DLGAP5: variants seen among roughly 807,000 people sequenced by gnomAD.
DLGAP5 encodes DLG associated protein 5.
In DLGAP5, 90 loss-of-function variants were observed where a neutral mutation model predicts 99.6. The ratio of observed to expected loss-of-function variants is 0.90; its 90% CI spans 0.76 to 1.08. The LOEUF (loss-of-function observed/expected upper bound fraction) is 1.08. DLGAP5 is among the 50% of genes least tolerant of loss of function. The probability of loss-of-function intolerance (pLI) is 0.00; values close to 1 mark genes in which losing one functional copy is unlikely to be tolerated. For synonymous variants in DLGAP5, 311 were observed against 321.3 expected, an observed-to-expected ratio of 0.97 and a Z score of 0.34; for missense variants, 1,036 against 983.5, an observed-to-expected ratio of 1.05 and a Z score of -0.71.
At chr14:55,167,022 A>G (rs1051645485) in intron 12 of DLGAP5, among the ~76,000 whole-genome samples, 1 of 151,986 alleles carries the variant, frequency 6.6e-6, no homozygotes, top group African/African-American at 2.4e-5. Flanking sequence ...TTGGGGGCCG[A>G]GGCAGGCAGG....
At chr14:55,149,763 C>T (rs1039723323) in intron 18 of DLGAP5, among the ~76,000 whole-genome samples, 1 of 147,022 alleles carries the variant, frequency 6.8e-6, no homozygotes, top group Non-Finnish European at 1.5e-5. Context: ...ATAAAAATAT[C>T]GGCCAGGCAC....
At chr14:55,169,114 A>G (rs1882753303) in intron 12 of DLGAP5, among the ~76,000 whole-genome samples, 2 of 146,806 alleles carry the variant, frequency 1.4e-5, no homozygotes, top group South Asian at 2.2e-4. Context: ...GGGCAGAGAC[A>G]GCAGTGAGCC....
intron 17 of DLGAP5, 104 bp from the exon 18 acceptor site, chr14:55,150,952 T>C (rs766714062): frequency 1.5e-4 from 105 of 719,244 alleles, no homozygotes; most frequent in Non-Finnish European, 2.1e-4. Context: ...ACATATCAAA[T>C]GCTAAGACAA....
At chr14:55,164,815 G>A (rs1594669980) in intron 12 of DLGAP5, among the ~76,000 whole-genome samples, 1 of 151,546 alleles carries the variant, frequency 6.6e-6, no homozygotes, top group Non-Finnish European at 1.5e-5. Flanking sequence ...CCAGCTATTC[G>A]GGAGGCTGAG....
chr14:55,179,596 G>C, intron 7 of DLGAP5, 33 bp downstream of exon 7: 2 of 1,543,250 alleles, frequency 1.3e-6, no homozygotes, highest in East Asian at 4.5e-5. Flanking sequence ...GATTTTCAAA[G>C]CATCTAGAAT....
chr14:55,161,445 C>G (rs10438127), intron 13 of DLGAP5, among the ~76,000 whole-genome samples: 49,237 of 137,004 alleles, frequency 0.36, 9,193 homozygotes, highest in Non-Finnish European at 0.41. Context: ...GAGTTTTGCT[C>G]GTTGCCCAGG....
intron 7 of DLGAP5, among the ~76,000 whole-genome samples, chr14:55,178,876 G>A (rs958809979): frequency 3.3e-5 from 5 of 152,068 alleles, no homozygotes; most frequent in Middle Eastern, 3.4e-3. Context: ...GTGAAACCTC[G>A]TCTCTACTAA....
At chr14:55,171,387 C>T (rs1469467427) in intron 10 of DLGAP5, among the ~76,000 whole-genome samples, 1 of 152,030 alleles carries the variant, frequency 6.6e-6, no homozygotes, top group Non-Finnish European at 1.5e-5. Flanking sequence ...GATATATACC[C>T]ACAACAAGTA....
chr14:55,155,195 T>C (rs1054367457), intron 14 of DLGAP5, among the ~76,000 whole-genome samples: 1 of 150,900 alleles, frequency 6.6e-6, no homozygotes, highest in African/African-American at 2.4e-5. Context: ...TGGCTAATTT[T>C]TGTATTTTTA....
chr14:55,175,803 A>G (rs774675337), intron 9 of DLGAP5, 91 bp downstream of exon 9: 4 of 1,150,284 alleles, frequency 3.5e-6, no homozygotes, highest in Non-Finnish European at 4.8e-6. Flanking sequence ...ATAATCCAGA[A>G]AAGTAAAAAT....
At chr14:55,181,631 T>C (rs1185868352) in intron 4 of DLGAP5, among the ~76,000 whole-genome samples, 1 of 152,190 alleles carries the variant, frequency 6.6e-6, no homozygotes, top group East Asian at 1.9e-4. Context: ...TAGAAAATAC[T>C]TCTCCTGGAT....
rs757813773 is a variant in DLGAP5, at chr14:55,188,927, C to A, written c.238+15G>T. ...CTCTTCAAAGTACTTAAAATTACAA[C>A]AGACCTTTACTTACTTGGCTTAACA... On this transcript the variant is annotated intron_variant, in intron 2 of 18. Transcript: ENST00000247191. 1 of 1,597,400 alleles carries A rather than the reference C, an allele frequency of 6.3e-7. No homozygotes were observed. Among genetic ancestry groups the A allele is most frequent in the South Asian group, 1.1e-5 (1 of 89,716 alleles).
intron 18 of DLGAP5, among the ~76,000 whole-genome samples, chr14:55,150,020 C>A: frequency 6.6e-6 from 1 of 151,100 alleles, no homozygotes; most frequent in Non-Finnish European, 1.5e-5. Flanking sequence ...ACCATTGTAC[C>A]CCAGCCTGGG....
chr14:55,160,209 T>G (rs1345784951), intron 13 of DLGAP5, among the ~76,000 whole-genome samples: 1 of 141,584 alleles, frequency 7.1e-6, no homozygotes, highest in African/African-American at 2.7e-5. Context: ...TCTCAAAAAA[T>G]AAATAAAATA....
chr14:55,153,411 T>C (rs1453298499), intron 15 of DLGAP5, among the ~76,000 whole-genome samples: 1 of 151,512 alleles, frequency 6.6e-6, no homozygotes, highest in East Asian at 2.0e-4. Flanking sequence ...CGTGGTGACA[T>C]GCGCCTGTAG....
At chr14:55,173,204 G>A (rs1280527685) in intron 10 of DLGAP5, among the ~76,000 whole-genome samples, 1 of 149,360 alleles carries the variant, frequency 6.7e-6, no homozygotes, top group African/African-American at 2.5e-5. Flanking sequence ...GGAGGCTGAG[G>A]CAAAAGGATC....
chr14:55,173,837 T>G, intron 10 of DLGAP5, among the ~76,000 whole-genome samples: 1 of 149,112 alleles, frequency 6.7e-6, no homozygotes, highest in South Asian at 2.1e-4. Context: ...TTCCTATGCC[T>G]GTCTTTACTT....
intron 13 of DLGAP5, among the ~76,000 whole-genome samples, chr14:55,162,496 G>A (rs1041681235): frequency 2.0e-5 from 3 of 152,012 alleles, no homozygotes; most frequent in African/African-American, 4.8e-5. Flanking sequence ...GCTGGCGCCT[G>A]TATTCCCAGC....
chr14:55,178,605 C>T (rs893651538), intron 7 of DLGAP5, among the ~76,000 whole-genome samples: 24 of 152,178 alleles, frequency 1.6e-4, no homozygotes, highest in Admixed American at 1.6e-3. Context: ...TAGTGATAAT[C>T]CTTAAGGGTT....
Sources: gnomAD v4.1 joint callset for allele counts (sites outside exome capture counted in the v4.1 genomes callset) on GRCh38, gnomAD v4.1.1 for gene constraint, MANE v1.5 for transcripts, NCBI Gene and HGNC (gene_info 2026-07-23, HGNC 2026-07-21) for gene names.